Variants in CRPPA observed in about 807,000 individuals in gnomAD.
CRPPA encodes the protein CDP-L-ribitol pyrophosphorylase A.
A neutral mutation model predicts 52.0 loss-of-function variants in CRPPA; 43 were observed. The observed-to-expected ratio is 0.83, with a 90% CI of 0.65 to 1.07. CRPPA has a LOEUF of 1.07. Among genes scored for constraint, CRPPA ranks in the 50% least tolerant of loss-of-function variants. The pLI is 0.00. For missense variants in CRPPA, 629 were observed against 551.7 expected, an observed-to-expected ratio of 1.14 and a Z score of -1.40; for synonymous variants, 250 against 203.5, an observed-to-expected ratio of 1.23 and a Z score of -1.94.
At chr7:16,283,068 CA>C (rs1784349277) in intron 5 of CRPPA, among the ~76,000 whole-genome samples, 2 of 151,828 alleles carry the variant, frequency 1.3e-5, no homozygotes, top group South Asian at 4.1e-4. Context: ...TATTTTTGTC[CA>C]AAAGTGATTC....
chr7:16,250,454 A>T (rs897671126), intron 8 of CRPPA, among the ~76,000 whole-genome samples: 1 of 152,184 alleles, frequency 6.6e-6, no homozygotes, highest in African/African-American at 2.4e-5. Flanking sequence ...GAAGGAAAAA[A>T]GGTTAAGGGT....
chr7:16,414,014 C>T (rs1467085658), intron 1 of CRPPA, among the ~76,000 whole-genome samples: 1 of 152,116 alleles, frequency 6.6e-6, no homozygotes, highest in Non-Finnish European at 1.5e-5. Context: ...ATCATAAGGT[C>T]TAGAATACTT....
chr7:16,286,037 AAATATAAATATATATATATAT>A (rs1784426526), intron 5 of CRPPA, among the ~76,000 whole-genome samples: 3 of 15,106 alleles, frequency 2.0e-4, no homozygotes, highest in African/African-American at 1.6e-3. Flanking sequence ...AAAAAAAAAA[AAATATAAATATATATATATAT>A]ATATATATAT....
intron 5 of CRPPA, among the ~76,000 whole-genome samples, chr7:16,301,078 G>A (rs1159494581): frequency 6.6e-6 from 1 of 152,176 alleles, no homozygotes; most frequent in Non-Finnish European, 1.5e-5. Flanking sequence ...CTGTTAAGGG[G>A]AGAGGGCAGT....
chr7:16,257,314 C>G (rs995075591), intron 8 of CRPPA, among the ~76,000 whole-genome samples: 2 of 151,980 alleles, frequency 1.3e-5, no homozygotes, highest in African/African-American at 4.8e-5. Context: ...AATAAAAGGC[C>G]AAACACAGAA....
chr7:16,295,389 T>A (rs375101037), intron 5 of CRPPA, among the ~76,000 whole-genome samples: 32 of 152,186 alleles, frequency 2.1e-4, no homozygotes, highest in African/African-American at 7.7e-4. Flanking sequence ...CCAAAAGGGA[T>A]GAAATGGATT....
intron 3 of CRPPA, among the ~76,000 whole-genome samples, chr7:16,344,576 T>C (rs1170947145): frequency 1.3e-5 from 2 of 152,030 alleles, no homozygotes; most frequent in African/African-American, 4.8e-5. Context: ...CTATTTATGG[T>C]ATTTTTCTAA....
intron 9 of CRPPA, among the ~76,000 whole-genome samples, chr7:16,191,328 G>GA (rs1384655449): frequency 1.3e-5 from 2 of 152,022 alleles, no homozygotes; most frequent in Non-Finnish European, 2.9e-5. Context: ...TTTATCAGTT[G>GA]AAAAATGCGT....
chr7:16,261,030 A>G (rs1417117347), intron 6 of CRPPA, among the ~76,000 whole-genome samples: 2 of 152,100 alleles, frequency 1.3e-5, no homozygotes, highest in Admixed American at 6.6e-5. Flanking sequence ...AAAATACTAC[A>G]TATAAATAAT....
At chr7:16,403,286 C>T (rs1169207301) in intron 2 of CRPPA, among the ~76,000 whole-genome samples, 1 of 152,092 alleles carries the variant, frequency 6.6e-6, no homozygotes, top group African/African-American at 2.4e-5. Context: ...GTAATACAGG[C>T]AAAAAGAAAA....
chr7:16,359,480 G>A (rs1786387431), intron 3 of CRPPA, among the ~76,000 whole-genome samples: 1 of 152,192 alleles, frequency 6.6e-6, no homozygotes. Flanking sequence ...CATGTAGCCA[G>A]CAGTTTTAAC....
intron 3 of CRPPA, among the ~76,000 whole-genome samples, chr7:16,367,833 T>C (rs374161391): frequency 2.6e-5 from 4 of 152,144 alleles, no homozygotes; most frequent in Non-Finnish European, 2.9e-5. Flanking sequence ...ACTTAAAAAA[T>C]ACACCTTCTC....
chr7:16,154,429 G>T lies in CRPPA; in HGVS notation c.1251+61637C>A, dbSNP rs7784314. Among the ~76,000 whole-genome samples the T allele has an allele frequency of 5.4e-3, 820 of 152,010 alleles. 13 individuals carry two copies. Among genetic ancestry groups the T allele is most frequent in the African/African-American group, 0.019 (797 of 41,444 alleles). The stretch of plus-strand genomic sequence containing the variant: ...CTCATTGTTCAACTCCCACTTATGA[G>T]GAACACTGGGTACATTTTAAGGACT... On this transcript the variant is annotated intron_variant, in intron 9 of 9. Coordinates refer to ENST00000407010, the MANE Select transcript of CRPPA (RefSeq NM_001101426.4).
chr7:16,197,801 T>C (rs528157559), intron 9 of CRPPA, among the ~76,000 whole-genome samples: 4 of 150,684 alleles, frequency 2.7e-5, no homozygotes, highest in Admixed American at 1.3e-4. Context: ...CATTTTGTTA[T>C]GTACTAAGAA....
chr7:16,100,247 C>T (rs1782017821), intron 9 of CRPPA, among the ~76,000 whole-genome samples: 1 of 152,158 alleles, frequency 6.6e-6, no homozygotes, highest in Admixed American at 6.5e-5. Flanking sequence ...AAAGACTCAG[C>T]TGTAATGACT....
intron 9 of CRPPA, among the ~76,000 whole-genome samples, chr7:16,110,723 T>G (rs1782244566): frequency 6.6e-6 from 1 of 152,110 alleles, no homozygotes; most frequent in Non-Finnish European, 1.5e-5. Context: ...TAAATGGTGC[T>G]GGGAAACCTA....
At chr7:16,338,589 C>T (rs1043083667) in intron 3 of CRPPA, among the ~76,000 whole-genome samples, 3 of 152,000 alleles carry the variant, frequency 2.0e-5, no homozygotes, top group African/African-American at 7.2e-5. Flanking sequence ...GGCATAACTG[C>T]AGACTTCATG....
chr7:16,128,027 T>A (rs10252227), intron 9 of CRPPA, among the ~76,000 whole-genome samples: 70,729 of 151,932 alleles, frequency 0.47, 16,674 homozygotes, highest in South Asian at 0.63. Context: ...AAGTATTATG[T>A]GGGTCTTTGA....
At chr7:16,189,926 C>T (rs1192565250) in intron 9 of CRPPA, among the ~76,000 whole-genome samples, 2 of 152,114 alleles carry the variant, frequency 1.3e-5, no homozygotes, top group African/African-American at 4.8e-5. Context: ...ACCCATCTTT[C>T]TTTTTCTCAA....
Sources: gnomAD v4.1 joint callset for allele counts (sites outside exome capture counted in the v4.1 genomes callset) on GRCh38, gnomAD v4.1.1 for gene constraint, MANE v1.5 for transcripts, NCBI Gene and HGNC (gene_info 2026-07-23, HGNC 2026-07-21) for gene names.